PTPRK: variants seen among roughly 807,000 people sequenced by gnomAD.
PTPRK encodes the protein protein tyrosine phosphatase receptor type K.
In PTPRK, 75 loss-of-function variants were observed where a neutral mutation model predicts 178.0. The ratio of observed to expected loss-of-function variants is 0.42; its 90% CI spans 0.35 to 0.51. The LOEUF (loss-of-function observed/expected upper bound fraction) is 0.51, where lower values mean the gene tolerates loss of function less well. Ranked by LOEUF, PTPRK falls within the 20% of genes least tolerant of loss-of-function variation. The pLI is 0.02. For missense variants in PTPRK, 1,441 were observed against 1,797.8 expected (o/e 0.80, Z 3.59); for synonymous variants, 637 against 620.6 (o/e 1.03, Z -0.39).
intron 7 of PTPRK, among the ~76,000 whole-genome samples, chr6:128,098,248 CTTG>C (rs1788218117): frequency 1.3e-5 from 2 of 152,060 alleles, no homozygotes; most frequent in African/African-American, 4.8e-5. Flanking sequence ...TTCATTTCTT[CTTG>C]TTGTCACACT....
Position 128,157,536 on chromosome 6 carries a change from AG to A in PTPRK, c.1162+26895del, listed in dbSNP as rs1421323964. ...TTGTGAATGGTTAAAAACATTCCACAGTCATTTAAATTTCTAAGTTTATTTC... is the reference window on the plus strand; with the variant it reads ...TTGTGAATGGTTAAAAACATTCCACATCATTTAAATTTCTAAGTTTATTTC... On this transcript the variant is annotated intron_variant, in intron 7 of 29. Transcript: ENST00000368226. Among the ~76,000 whole-genome samples, 16 of 151,974 alleles carry A rather than the reference AG, an allele frequency of 1.1e-4. 1 individual carries two copies. The highest frequency in any genetic ancestry group is 1.5e-5 in the Non-Finnish European group (1 of 67,950).
chr6:128,439,538 T>C (rs942240427), intron 1 of PTPRK, among the ~76,000 whole-genome samples: 4 of 152,230 alleles, frequency 2.6e-5, no homozygotes, highest in Non-Finnish European at 5.9e-5. Flanking sequence ...ATTTCTGCTA[T>C]GGTTTAATAA....
intron 6 of PTPRK, among the ~76,000 whole-genome samples, chr6:128,203,569 C>T (rs1395010245): frequency 1.3e-5 from 2 of 152,174 alleles, no homozygotes. Flanking sequence ...TGATAAGCAA[C>T]TTCAGCAAAG....
intron 7 of PTPRK, among the ~76,000 whole-genome samples, chr6:128,156,959 G>A (rs4897250): frequency 0.025 from 3,865 of 151,728 alleles, 131 homozygotes; most frequent in African/African-American, 0.058. Context: ...TTTTTCTTTC[G>A]GTTTCTATGC....
intron 3 of PTPRK, among the ~76,000 whole-genome samples, chr6:128,312,639 G>A (rs753798180): frequency 1.4e-4 from 22 of 152,050 alleles, no homozygotes; most frequent in Non-Finnish European, 2.8e-4. Context: ...TAGAGTTAAC[G>A]ATAATAGTAT....
At chr6:128,073,966 T>C (rs1783302667) in intron 11 of PTPRK, among the ~76,000 whole-genome samples, 1 of 152,048 alleles carries the variant, frequency 6.6e-6, no homozygotes. Context: ...ATTTATGTAA[T>C]GAAACAGACT....
intron 2 of PTPRK, among the ~76,000 whole-genome samples, chr6:128,391,698 CAG>C (rs1356985156): frequency 6.6e-6 from 1 of 151,888 alleles, no homozygotes; most frequent in African/African-American, 2.4e-5. Flanking sequence ...TCACTGTTCC[CAG>C]AGAGAAAGAA....
chr6:128,286,835 A>G (rs963352148), intron 3 of PTPRK, among the ~76,000 whole-genome samples: 8 of 152,194 alleles, frequency 5.3e-5, no homozygotes, highest in Non-Finnish European at 1.2e-4. Context: ...AGTAAAGCCA[A>G]TTTAGTCCCA....
chr6:128,161,001 T>C (rs1318431574), intron 7 of PTPRK, among the ~76,000 whole-genome samples: 1 of 151,582 alleles, frequency 6.6e-6, no homozygotes, highest in African/African-American at 2.4e-5. Flanking sequence ...TATACATTTA[T>C]AAGCCTTAAG....
intron 13 of PTPRK, among the ~76,000 whole-genome samples, chr6:128,049,390 A>G (rs111916861): frequency 1.3e-5 from 2 of 152,270 alleles, no homozygotes; most frequent in African/African-American, 2.4e-5. Context: ...GTTTTAGTCT[A>G]AGGATTATTC....
At chr6:128,469,133 C>T (rs969650392) in intron 1 of PTPRK, among the ~76,000 whole-genome samples, 5 of 152,120 alleles carry the variant, frequency 3.3e-5, no homozygotes, top group Admixed American at 2.0e-4. Context: ...CAGTATCTAA[C>T]ATTGAAGAAA....
intron 7 of PTPRK, 59 bp downstream of exon 7, chr6:128,184,373 T>C (rs1310021241): frequency 6.6e-6 from 10 of 1,509,202 alleles, no homozygotes; most frequent in Non-Finnish European, 8.1e-6. Context: ...CTGCATGTAT[T>C]AATGTGTCTT....
rs557908057 is a variant in PTPRK at position 127,969,991 on chromosome 6, T to A, written c.*236A>T. On this transcript the variant is annotated 3_prime_UTR_variant, in exon 30 of 30. Transcript: ENST00000368226. ...GTTCTCATTTCAATCTGGTTCTTAT[T>A]AAATATAATTTATGTGGCATGAAAT... 2.4e-6 allele frequency: 1 copy of A among 409,948 alleles called. No individual in the cohort carries two copies. The highest frequency in any genetic ancestry group is 4.3e-6 in the Non-Finnish European group (1 of 231,478). The allele number at this position is 409,948 out of a possible 1,614,324, so 25.4% of individuals were successfully genotyped here. A position where few individuals can be genotyped will look rare whatever the true frequency, so the allele number is the denominator to read the frequency against.
chr6:128,283,806 G>C (rs982122221), intron 3 of PTPRK, among the ~76,000 whole-genome samples: 1 of 152,122 alleles, frequency 6.6e-6, no homozygotes, highest in African/African-American at 2.4e-5. Context: ...GTTATCACCA[G>C]TTCCTAAGAA....
At chr6:128,327,650 A>G (rs1829753277) in intron 2 of PTPRK, among the ~76,000 whole-genome samples, 1 of 152,218 alleles carries the variant, frequency 6.6e-6, no homozygotes. Context: ...CAACCTCAGA[A>G]GGGTAATTTT....
At chr6:128,309,861 C>T (rs985203120) in intron 3 of PTPRK, among the ~76,000 whole-genome samples, 3 of 151,578 alleles carry the variant, frequency 2.0e-5, no homozygotes, top group Non-Finnish European at 4.4e-5. Context: ...TCCCTCCCAA[C>T]AATATGATCA....
At chr6:128,481,722 T>C (rs996161312) in intron 1 of PTPRK, among the ~76,000 whole-genome samples, 3 of 152,110 alleles carry the variant, frequency 2.0e-5, no homozygotes, top group Admixed American at 6.6e-5. Context: ...ATTATAATTA[T>C]AATACTGTTG....
chr6:128,153,384 T>C (rs1461796900), intron 7 of PTPRK, among the ~76,000 whole-genome samples: 5 of 151,900 alleles, frequency 3.3e-5, no homozygotes, highest in African/African-American at 1.2e-4. Context: ...ATGCATAGTA[T>C]AAGAAAAGTA....
intron 3 of PTPRK, among the ~76,000 whole-genome samples, chr6:128,310,620 G>A (rs1352898057): frequency 1.3e-5 from 2 of 152,130 alleles, no homozygotes; most frequent in African/African-American, 4.8e-5. Context: ...GCAGCCCACT[G>A]ACAATTCTCA....
Sources: allele counts gnomAD v4.1 joint callset (sites outside exome capture counted in the v4.1 genomes callset), GRCh38; gene constraint gnomAD v4.1.1; transcripts MANE v1.5; gene names NCBI Gene and HGNC (gene_info 2026-07-23, HGNC 2026-07-21).